PTPRN2: variants seen among roughly 807,000 people sequenced by gnomAD.
The protein encoded by PTPRN2 is protein tyrosine phosphatase receptor type N2.
PTPRN2 carries 74 observed loss-of-function variants against 118.8 expected under a neutral mutation model. The observed-to-expected ratio is 0.62, with a 90% CI of 0.52 to 0.76. The LOEUF (loss-of-function observed/expected upper bound fraction) is 0.76, where lower values mean the gene tolerates loss of function less well. Ranked by LOEUF, PTPRN2 falls within the 30% of genes least tolerant of loss-of-function variation. The pLI, the probability that PTPRN2 is intolerant of heterozygous loss-of-function variation, is 0.00. For missense variants in PTPRN2, 1,481 were observed against 1,394.4 expected (o/e 1.06, Z -0.99); for synonymous variants, 641 against 608.0 (o/e 1.05, Z -0.80).
At chr7:157,544,868 G>T (rs1269779880) in intron 22 of PTPRN2, among the ~76,000 whole-genome samples, 1 of 151,976 alleles carries the variant, frequency 6.6e-6, no homozygotes, top group Non-Finnish European at 1.5e-5. Flanking sequence ...GCTGTGTGTG[G>T]ATGTGCATCG....
At chr7:158,149,235 C>T (rs958627389) in intron 6 of PTPRN2, among the ~76,000 whole-genome samples, 4 of 151,842 alleles carry the variant, frequency 2.6e-5, no homozygotes, top group African/African-American at 4.8e-5. Flanking sequence ...TCCAAGCTGG[C>T]ACCAATTATA....
intron 12 of PTPRN2, among the ~76,000 whole-genome samples, chr7:157,873,356 C>T (rs1185580372): frequency 6.6e-6 from 1 of 152,264 alleles, no homozygotes; most frequent in African/African-American, 2.4e-5. Context: ...TCCCAGTTTG[C>T]TCGCTTCCCT....
rs567247254 is a variant in PTPRN2 at position 157,938,564 on chromosome 7, A to C, written c.1724-39827T>G. The stretch of plus-strand genomic sequence containing the variant: ...CCTGTCTGCTCAGGGTCACACAACA[A>C]CACCCAAAGGCAAGATGTGAACCCA... On this transcript the variant is annotated intron_variant, in intron 11 of 22. Transcript: ENST00000389418. Among the ~76,000 whole-genome samples, 191 of 152,354 alleles carry C rather than the reference A, an allele frequency of 1.3e-3. 1 individual carries two copies. In the Middle Eastern group the frequency reaches 0.014, roughly 11 times the overall value.
At position 157,861,020 on chromosome 7, in the gene PTPRN2, G is replaced by A. The variant is rs1244567481; in HGVS notation, c.1788+37653C>T. On this transcript the variant is annotated intron_variant, in intron 12 of 22. Coordinates refer to ENST00000389418, the MANE Select transcript of PTPRN2 (RefSeq NM_002847.5). This position sits in a 1 kb window ranked among gnomAD's most constrained non-coding sequence, Gnocchi z 5.8. The stretch of plus-strand genomic sequence containing the variant: ...GAAATGTGGCCCAGTCCAGGGAGCT[G>A]TGGAGAGGTGGGGGGCAGGGTGACC... Among the ~76,000 whole-genome samples the A allele has an allele frequency of 1.3e-5, 2 of 152,252 alleles. No individual in the cohort carries two copies. Among genetic ancestry groups the A allele is most frequent in the African/African-American group, 2.4e-5 (1 of 41,472 alleles).
intron 11 of PTPRN2, among the ~76,000 whole-genome samples, chr7:157,919,422 G>A (rs2128768450): frequency 6.6e-6 from 1 of 152,248 alleles, no homozygotes; most frequent in Admixed American, 6.5e-5. Context: ...CCCGGAGGTG[G>A]GTTTCGAATA....
At chr7:158,269,825 G>C (rs1286244885) in intron 3 of PTPRN2, among the ~76,000 whole-genome samples, 1 of 152,032 alleles carries the variant, frequency 6.6e-6, no homozygotes, top group Non-Finnish European at 1.5e-5. Flanking sequence ...GAGATAGAAA[G>C]AGACAGAGGG....
At chr7:158,256,600 C>G (rs998433621) in intron 3 of PTPRN2, among the ~76,000 whole-genome samples, 2 of 152,058 alleles carry the variant, frequency 1.3e-5, no homozygotes, top group African/African-American at 4.8e-5. Context: ...ACCTAGGCAG[C>G]TCCCGTGAGG....
chr7:158,448,785 A>G (rs1224152298), intron 2 of PTPRN2, among the ~76,000 whole-genome samples: 1 of 152,230 alleles, frequency 6.6e-6, no homozygotes, highest in Non-Finnish European at 1.5e-5. Context: ...ACTCCAGTCC[A>G]GCCACTAGAA....
At chr7:158,308,270 T>C (rs1372606822) in intron 3 of PTPRN2, among the ~76,000 whole-genome samples, 1 of 152,074 alleles carries the variant, frequency 6.6e-6, no homozygotes, top group Admixed American at 6.6e-5. Flanking sequence ...CCTTCAAAAC[T>C]AAAGGAGAAA....
At chr7:158,311,133 G>A (rs112841387) in intron 3 of PTPRN2, among the ~76,000 whole-genome samples, 3,469 of 152,228 alleles carry the variant, frequency 0.023, 127 homozygotes, top group African/African-American at 0.079. Context: ...GGCAGAACCC[G>A]GCTCCCCTGA....
chr7:158,442,366 T>C (rs1177951503), intron 2 of PTPRN2, among the ~76,000 whole-genome samples: 1 of 152,110 alleles, frequency 6.6e-6, no homozygotes, highest in East Asian at 1.9e-4. Flanking sequence ...GTACGAGAGC[T>C]GAAAGTGACC....
intron 17 of PTPRN2, among the ~76,000 whole-genome samples, chr7:157,584,532 C>A (rs907072353): frequency 9.9e-5 from 15 of 152,218 alleles, no homozygotes; most frequent in African/African-American, 1.4e-4. Flanking sequence ...TTTAAAAAAA[C>A]AAGCATGGTA....
intron 12 of PTPRN2, among the ~76,000 whole-genome samples, chr7:157,887,916 C>CAGAGCCCACCACATGCACTGAGTGGGCA (rs1796580860): frequency 6.7e-6 from 1 of 149,134 alleles, no homozygotes; most frequent in Non-Finnish European, 1.5e-5. Context: ...CCAGTACTGC[C>CAGAGCCCACCACATGCACTGAGTGGGCA]AGAGCCCACC....
intron 11 of PTPRN2, among the ~76,000 whole-genome samples, chr7:157,916,706 C>T (rs1370802575): frequency 1.3e-5 from 2 of 152,200 alleles, no homozygotes; most frequent in South Asian, 2.1e-4. Context: ...GGCCAGTGCA[C>T]GTCCCCTCCC....
intron 5 of PTPRN2, among the ~76,000 whole-genome samples, chr7:158,185,228 G>A (rs536706426): frequency 1.3e-5 from 2 of 151,960 alleles, no homozygotes; most frequent in African/African-American, 2.4e-5. Flanking sequence ...GTATGATTTT[G>A]ATCTGTTGAC....
Position 158,110,878 on chromosome 7 carries a change from C to A in PTPRN2, c.1594G>T (p.Asp532Tyr). The A allele has an allele frequency of 6.3e-7, 1 of 1,584,682 alleles. No individual in the cohort carries two copies. The highest frequency in any genetic ancestry group is 8.6e-7 in the Non-Finnish European group (1 of 1,165,576). The change falls in exon 10 of 23, where the codon GAC becomes TAC. Residue 532 changes from aspartate (D) to tyrosine (Y), a missense_variant. Around this residue, in one of 3 missense-constraint regions of PTPRN2, gnomAD observed 1,115 missense variants for 994.2 expected, o/e 1.12. Transcript: ENST00000389418. ...RPEEGRRLVE[D>Y]VARLLQVPSS... ...GGCACCTGCAGGAGGCGGGCGACGT[C>A]CTCCACCAGCCGCCTTCCTTCCTCG...
intron 2 of PTPRN2, among the ~76,000 whole-genome samples, chr7:158,361,359 C>A (rs78719414): frequency 0.57 from 1,399 of 2,466 alleles, 673 homozygotes; most frequent in African/African-American, 0.61. Flanking sequence ...GTCCACCCTC[C>A]CCCAGGATGA....
chr7:158,336,815 A>C (rs1200011037), intron 2 of PTPRN2, among the ~76,000 whole-genome samples: 1 of 98,814 alleles, frequency 1.0e-5, no homozygotes, highest in Admixed American at 9.9e-5. Context: ...CTCTCACCAT[A>C]AGAAGTGACA....
chr7:158,315,837 G>T (rs1802276154), intron 3 of PTPRN2, among the ~76,000 whole-genome samples: 1 of 152,242 alleles, frequency 6.6e-6, no homozygotes, highest in Non-Finnish European at 1.5e-5. Flanking sequence ...TCCAAAGAGT[G>T]ACCTCAGCAG....
Sources: gnomAD v4.1 joint callset for allele counts (sites outside exome capture counted in the v4.1 genomes callset) on GRCh38, gnomAD v4.1.1 for gene constraint, gnomAD v4.1.1 regional missense constraint, Gnocchi (gnomAD v3.1) non-coding constraint, MANE v1.5 for transcripts, NCBI Gene and HGNC (gene_info 2026-07-23, HGNC 2026-07-21) for gene names.